The following ASB3 variants were observed in gnomAD, a reference collection of about 807,000 sequenced individuals.
ASB3 encodes the protein ankyrin repeat and SOCS box containing 3, also known as ankyrin repeat and SOCS box protein 3.
A neutral mutation model predicts 54.5 loss-of-function variants in ASB3; 41 were observed. That is an observed-to-expected ratio of 0.75 (90% CI 0.59 to 0.98). ASB3 has a LOEUF of 0.98. Among genes scored for constraint, ASB3 ranks in the 50% least tolerant of loss-of-function variants. The pLI is 0.00. For missense variants in ASB3, 733 were observed against 620.0 expected, an observed-to-expected ratio of 1.18 and a Z score of -1.94; for synonymous variants, 266 against 221.2, an observed-to-expected ratio of 1.20 and a Z score of -1.80.
At chr2:53,763,617 G>C (rs995992594) in intron 2 of ASB3, 1 of 169,216 alleles carries the variant, frequency 5.9e-6, no homozygotes, top group Admixed American at 6.5e-5. Context: ...CTGTAGAGAT[G>C]AATTTAACAG....
At chr2:53,698,347 T>G (rs1163089311) in intron 8 of ASB3, among the ~76,000 whole-genome samples, 1 of 152,226 alleles carries the variant, frequency 6.6e-6, no homozygotes. Flanking sequence ...AGCAAAGGGT[T>G]GCTAGTCACA....
intron 9 of ASB3, among the ~76,000 whole-genome samples, chr2:53,689,587 T>G (rs1668802813): frequency 6.6e-6 from 1 of 152,206 alleles, no homozygotes; most frequent in Non-Finnish European, 1.5e-5. Flanking sequence ...TAAAATAAAT[T>G]ATCATATGTA....
chr2:53,734,451 A>G (rs557404737), intron 3 of ASB3, among the ~76,000 whole-genome samples: 1 of 152,308 alleles, frequency 6.6e-6, no homozygotes, highest in African/African-American at 2.4e-5. Context: ...ACATTCAGTG[A>G]TCCCATTTTC....
chr2:53,764,146 C>G (rs575642306), intron 2 of ASB3, among the ~76,000 whole-genome samples: 1 of 152,170 alleles, frequency 6.6e-6, no homozygotes, highest in East Asian at 1.9e-4. Flanking sequence ...GCTATGGACC[C>G]AGAAGTTTAT....
chr2:53,681,338 C>T (rs186270410), intron 9 of ASB3, among the ~76,000 whole-genome samples: 16 of 152,152 alleles, frequency 1.1e-4, no homozygotes, highest in East Asian at 1.9e-4. Context: ...CTTTGTTGAC[C>T]GTTTCCTTTG....
chr2:53,750,979 ACTT>A (rs1672480688), intron 2 of ASB3, 38 bp from the exon 3 acceptor site: 1 of 1,432,384 alleles, frequency 7.0e-7, no homozygotes, highest in Non-Finnish European at 9.2e-7. Flanking sequence ...AGAAGGTATT[ACTT>A]CTATTTCCTG....
At chr2:53,684,471 T>C (rs1013360732) in intron 9 of ASB3, among the ~76,000 whole-genome samples, 3 of 152,226 alleles carry the variant, frequency 2.0e-5, no homozygotes, top group African/African-American at 7.2e-5. Flanking sequence ...CGAACAGTTT[T>C]AGGATCAGCC....
chr2:53,704,347 G>A (rs569267454), intron 7 of ASB3, among the ~76,000 whole-genome samples: 4 of 135,382 alleles, frequency 3.0e-5, no homozygotes, highest in African/African-American at 5.7e-5. Context: ...GCCACAGAGC[G>A]AGAGACTGTC....
intron 7 of ASB3, among the ~76,000 whole-genome samples, chr2:53,709,689 A>G (rs942147902): frequency 1.3e-5 from 2 of 152,194 alleles, no homozygotes; most frequent in African/African-American, 4.8e-5. Context: ...GAAAATTTCA[A>G]AATTAAAAAA....
chr2:53,735,450 T>A (rs1671569437), intron 3 of ASB3, among the ~76,000 whole-genome samples: 1 of 134,812 alleles, frequency 7.4e-6, no homozygotes, highest in Non-Finnish European at 1.6e-5. Flanking sequence ...CTCTAAACTG[T>A]AAACTACAAA....
chr2:53,717,017 G>A (rs1670435123), intron 5 of ASB3, among the ~76,000 whole-genome samples: 1 of 152,116 alleles, frequency 6.6e-6, no homozygotes, highest in African/African-American at 2.4e-5. Flanking sequence ...ACGTGTTTGA[G>A]ACCAGCCTGG....
chr2:53,761,098 G>A (rs377384365), intron 2 of ASB3, among the ~76,000 whole-genome samples: 9 of 152,152 alleles, frequency 5.9e-5, no homozygotes, highest in Admixed American at 1.3e-4. Context: ...TGAGAGGGGG[G>A]ACTGAGAGAC....
At chr2:53,781,412 CAAA>C (rs201329287) in intron 1 of ASB3, among the ~76,000 whole-genome samples, 22 of 103,514 alleles carry the variant, frequency 2.1e-4, no homozygotes, top group Admixed American at 1.9e-3. Flanking sequence ...ACTCTGTCTC[CAAA>C]AAAAAAAAAA....
chr2:53,701,240 G>T (rs536009989), intron 7 of ASB3, among the ~76,000 whole-genome samples: 2 of 152,158 alleles, frequency 1.3e-5, no homozygotes, highest in South Asian at 2.1e-4. Context: ...CTCCCAAAAG[G>T]TATGCCACCG....
At chr2:53,712,858 G>C (rs1670184514) in intron 7 of ASB3, among the ~76,000 whole-genome samples, 1 of 152,184 alleles carries the variant, frequency 6.6e-6, no homozygotes. Context: ...TTGGGATAGA[G>C]AAAGGCAACT....
At chr2:53,679,673 CT>C (rs1271904816) in intron 9 of ASB3, among the ~76,000 whole-genome samples, 2 of 152,190 alleles carry the variant, frequency 1.3e-5, no homozygotes, top group Non-Finnish European at 2.9e-5. Context: ...TGCCACAACC[CT>C]GAATCCTTCC....
chr2:53,684,391 C>G (rs1419775843), intron 9 of ASB3, among the ~76,000 whole-genome samples: 1 of 152,160 alleles, frequency 6.6e-6, no homozygotes, highest in African/African-American at 2.4e-5. Flanking sequence ...ATTATTATTG[C>G]TTTTACTATT....
At chr2:53,680,823 C>T (rs1440899318) in intron 9 of ASB3, among the ~76,000 whole-genome samples, 1 of 152,224 alleles carries the variant, frequency 6.6e-6, no homozygotes, top group South Asian at 2.1e-4. Flanking sequence ...CTTATTCATT[C>T]TAACTATATT....
At chr2:53,751,117 T>C (rs950907158) in intron 2 of ASB3, among the ~76,000 whole-genome samples, 176 bp from the exon 3 acceptor site, 17 of 152,176 alleles carry the variant, frequency 1.1e-4, no homozygotes, top group African/African-American at 3.9e-4. Flanking sequence ...GAGATCCCAC[T>C]GTGAACAGCT....
Sources: allele counts gnomAD v4.1 joint callset (sites outside exome capture counted in the v4.1 genomes callset), GRCh38; gene constraint gnomAD v4.1.1; transcripts MANE v1.5; gene names NCBI Gene and HGNC (gene_info 2026-07-23, HGNC 2026-07-21).